The following CELSR1 variants were observed in gnomAD, a reference collection of about 807,000 sequenced individuals.
CELSR1 encodes the protein adhesion G protein-coupled receptor C1.
Under a neutral mutation model 249.1 loss-of-function variants are expected in CELSR1, and 110 were observed. That is an observed-to-expected ratio of 0.44 (90% CI 0.38 to 0.52). The LOEUF is 0.52. CELSR1 is among the 20% of genes least tolerant of loss of function. The pLI, the probability that CELSR1 is intolerant of heterozygous loss-of-function variation, is 0.00. For synonymous variants in CELSR1, 2,113 were observed against 1,900.0 expected (o/e 1.11, Z -2.92); for missense variants, 4,109 against 4,296.4 (o/e 0.96, Z 1.22).
chr22:46,473,129 C>T lies in CELSR1; in HGVS notation c.3545-8784G>A, dbSNP rs2080172923. Among the ~76,000 whole-genome samples, 2 of 151,938 alleles carry T rather than the reference C, an allele frequency of 1.3e-5. No individual in the cohort carries two copies. The highest frequency in any genetic ancestry group is 4.2e-4 in the South Asian group (2 of 4,808). On this transcript the variant is annotated intron_variant, in intron 1 of 34. Coordinates refer to ENST00000674500, the MANE Select transcript of CELSR1 (RefSeq NM_001378328.1). This position sits in a 1 kb window ranked among gnomAD's most constrained non-coding sequence, Gnocchi z 6.6. ...CTCGTGGGCTCTCGGTGCAGGACGG[C>T]GGGGGTGGCTGAAGGAGAAATGTCC...
chr22:46,363,491 T>C lies in CELSR1; in HGVS notation c.9036-244A>G, dbSNP rs2078728931. The C allele has an allele frequency of 1.3e-5, 6 of 458,880 alleles. No homozygotes were observed. In the South Asian group the frequency reaches 1.6e-4, roughly 12 times the overall value. 28.4% of individuals were successfully genotyped at this position (458,880 alleles called of 1,614,324 possible). On this transcript the variant is annotated intron_variant, in intron 34 of 34. Coordinates refer to ENST00000674500, the MANE Select transcript of CELSR1 (RefSeq NM_001378328.1). The surrounding 1 kb of genome is among the most constrained non-coding windows in gnomAD (Gnocchi z 4.3). ...TCAGAAGAGCGCAAGGAATCCACGT[T>C]AGAAACCGGCCATCTCTACAGTGAC...
chr22:46,427,809 A>G lies in CELSR1; in HGVS notation c.4611+5584T>C, dbSNP rs2079552593. Among the ~76,000 whole-genome samples the G allele has an allele frequency of 6.6e-6, 1 of 152,194 alleles. No individual in the cohort carries two copies. Among genetic ancestry groups the G allele is most frequent in the African/African-American group, 2.4e-5 (1 of 41,442 alleles). On this transcript the variant is annotated intron_variant, in intron 5 of 34. Coordinates refer to ENST00000674500, the MANE Select transcript of CELSR1 (RefSeq NM_001378328.1). This position sits in a 1 kb window ranked among gnomAD's most constrained non-coding sequence, Gnocchi z 4.2. Reference sequence around the variant, plus strand: ...GCTACGTGGCCTCACCCAGGGGACCACACAACTGTCTAACCACGGCAGATC... The same window carrying G: ...GCTACGTGGCCTCACCCAGGGGACCGCACAACTGTCTAACCACGGCAGATC...
chr22:46,441,772 AGGGCACC>A lies in CELSR1; in HGVS notation c.4184-2368_4184-2362del, dbSNP rs2079752801. ...TAGGGCTTCAATGTAGAAATTTATG[AGGGCACC>A]ATTCTGTCCAGAGCAGATATGTATG... On this transcript the variant is annotated intron_variant, in intron 2 of 34. Transcript: ENST00000674500. This position sits in a 1 kb window ranked among gnomAD's most constrained non-coding sequence, Gnocchi z 6.1. Among the ~76,000 whole-genome samples, 1 of 152,224 alleles carries A rather than the reference AGGGCACC, an allele frequency of 6.6e-6. No individual in the cohort carries two copies.
chr22:46,386,481 G>A lies in CELSR1; in HGVS notation c.6660C>T (p.Leu2220=), dbSNP rs767059693. The A allele has an allele frequency of 2.9e-5, 46 of 1,600,692 alleles. No individual in the cohort carries two copies. Among genetic ancestry groups the A allele is most frequent in the Middle Eastern group, 3.6e-4 (2 of 5,486 alleles). Residue 2220 remains leucine, a synonymous_variant, in exon 19 of 35, where the codon CTC becomes CTT. Coordinates refer to ENST00000674500, the MANE Select transcript of CELSR1 (RefSeq NM_001378328.1). ...GTGCCACGTTGCTGAAGTAGCCCTC[G>A]AGGCGCCGGAGCAGCTGTGCCGTGC... ...EGGTAQLLRR[L]EGYFSNVARN...
chr22:46,509,226 C>A (rs1393652603), intron 1 of CELSR1, among the ~76,000 whole-genome samples: 1 of 152,170 alleles, frequency 6.6e-6, no homozygotes, highest in African/African-American at 2.4e-5. Context: ...AGGGTCTGGA[C>A]AAGGGGGTGC....
At chr22:46,496,688 A>G (rs754359416) in intron 1 of CELSR1, among the ~76,000 whole-genome samples, 3 of 151,858 alleles carry the variant, frequency 2.0e-5, no homozygotes, top group Non-Finnish European at 4.4e-5. Context: ...GCCTAGGCCT[A>G]TGCAGGGTTA....
chr22:46,364,227 T>C lies in CELSR1; in HGVS notation c.8804A>G (p.Tyr2935Cys). The C allele has an allele frequency of 2.5e-6, 4 of 1,608,876 alleles. No individual in the cohort carries two copies. The highest frequency in any genetic ancestry group is 3.4e-6 in the Non-Finnish European group (4 of 1,179,506). ...CTCCGTCAGCGTCAGCGGCGGCGGG[T>C]AGGTGACTTTATTTTTCAAGATGCC... ...RKGILKNKVT[Y>C]PPPLTLTEQT... The change falls in exon 34 of 35, where the codon TAC becomes TGC. Residue 2935 changes from tyrosine to cysteine, a missense_variant. This residue lies in a region of CELSR1 where 1,805 missense variants were observed against 1,831.6 expected (regional missense o/e 0.99). Transcript: ENST00000674500.
Position 46,441,799 on chromosome 22 carries a change from T to C in CELSR1, c.4184-2388A>G, listed in dbSNP as rs2079753188. 6.6e-6 allele frequency among the ~76,000 whole-genome samples: 1 copy of C among 152,200 alleles called. No individual in the cohort carries two copies. Among genetic ancestry groups the C allele is most frequent in the Non-Finnish European group, 1.5e-5 (1 of 68,040 alleles). Reference sequence around the variant, plus strand: ...GGCACCATTCTGTCCAGAGCAGATATGTATGAGACAACTGGCAATTTTAAA... The same window carrying C: ...GGCACCATTCTGTCCAGAGCAGATACGTATGAGACAACTGGCAATTTTAAA... On this transcript the variant is annotated intron_variant, in intron 2 of 34. Transcript: ENST00000674500. The surrounding 1 kb of genome is among the most constrained non-coding windows in gnomAD (Gnocchi z 6.1).
intron 1 of CELSR1, among the ~76,000 whole-genome samples, chr22:46,469,917 G>T (rs2080136520): frequency 1.7e-5 from 1 of 58,932 alleles, no homozygotes; most frequent in Non-Finnish European, 3.3e-5. Context: ...GTCACATCTA[G>T]AACAGCTCCT....
In CELSR1 at chr22:46,534,655, G is replaced by A; in HGVS notation, c.2516C>T (p.Pro839Leu). 6.2e-7 allele frequency: 1 copy of A among 1,613,852 alleles called. No homozygotes were observed. The highest frequency in any genetic ancestry group is 8.5e-7 in the Non-Finnish European group (1 of 1,180,034). ...QDPVPQFRID[P>L]DSGTMYTMME... ...CATGGTGTACATGGTGCCACTGTCG[G>A]GGTCAATGCGGAACTGCGGCACGGG... The change falls in exon 1 of 35, where the codon CCC becomes CTC. Residue 839 changes from proline to leucine, a missense_variant. By Grantham distance (98) the Pro-to-Leu change is moderately conservative. This residue lies in a region of CELSR1 where 886 missense variants were observed against 896.5 expected (regional missense o/e 0.99). Coordinates refer to ENST00000674500, the MANE Select transcript of CELSR1 (RefSeq NM_001378328.1). This position sits in a 1 kb window ranked among gnomAD's most constrained non-coding sequence, Gnocchi z 9.7.
Position 46,535,824 on chromosome 22 carries a change from C to T in CELSR1, c.1347G>A (p.Val449=). Residue 449 remains valine, a synonymous_variant, in exon 1 of 35, where the codon GTG becomes GTA. Coordinates refer to ENST00000674500, the MANE Select transcript of CELSR1 (RefSeq NM_001378328.1). ...LSATATVYIE[V]EDENDNYPQF... is the part of the protein sequence containing the mutation. ...GGGGGTAGTTGTCGTTCTCGTCCTC[C>T]ACCTCGATGTACACGGTGGCCGTGG... is the stretch of plus-strand genomic sequence containing the variant. 1 of 1,612,160 alleles carries T rather than the reference C, an allele frequency of 6.2e-7. No individual in the cohort carries two copies. The highest frequency in any genetic ancestry group is 8.5e-7 in the Non-Finnish European group (1 of 1,179,990).
intron 1 of CELSR1, among the ~76,000 whole-genome samples, chr22:46,530,962 A>T (rs1244179641): frequency 2.0e-5 from 3 of 152,188 alleles, no homozygotes; most frequent in Non-Finnish European, 4.4e-5. Flanking sequence ...AATCCTGGGG[A>T]AGCAACAACA....
intron 20 of CELSR1, 135 bp downstream of exon 20, chr22:46,384,408 C>A (rs2079010248): frequency 1.9e-6 from 2 of 1,031,736 alleles, no homozygotes; most frequent in South Asian, 4.1e-5. Flanking sequence ...CCAACAGGAC[C>A]TGGCACCAGA....
intron 19 of CELSR1, among the ~76,000 whole-genome samples, chr22:46,385,870 G>A (rs1241812829): frequency 2.0e-5 from 3 of 151,732 alleles, no homozygotes; most frequent in East Asian, 3.9e-4. Context: ...GTAGAGACGG[G>A]GTTTCACCAT....
intron 1 of CELSR1, among the ~76,000 whole-genome samples, chr22:46,483,079 G>A (rs1311336238): frequency 6.6e-6 from 1 of 152,114 alleles, no homozygotes; most frequent in Non-Finnish European, 1.5e-5. Flanking sequence ...ATCAATTCCA[G>A]GTGAACTAAG....
chr22:46,411,725 G>A lies in CELSR1; in HGVS notation c.4646C>T (p.Pro1549Leu), dbSNP rs2079338395. Residue 1549 changes from proline to leucine, a missense_variant, in exon 6 of 35, where the codon CCG (proline) becomes CTG (leucine). By Grantham distance (98) the Pro-to-Leu change is moderately conservative (BLOSUM62 -3). This residue lies in a region of CELSR1 where 453 missense variants were observed against 492.0 expected (regional missense o/e 0.92). Coordinates refer to ENST00000674500, the MANE Select transcript of CELSR1 (RefSeq NM_001378328.1). This position sits in a 1 kb window ranked among gnomAD's most constrained non-coding sequence, Gnocchi z 4.2. ...NIGHLGLPHG[P>L]SGEKMAVVTV... ...CACCACGGCCATCTTTTCCCCGGAC[G>A]GCCCATGGGGCAGGCCCAGGTGGCC... is the stretch of plus-strand genomic sequence containing the variant. 1 of 1,614,072 alleles carries A rather than the reference G, an allele frequency of 6.2e-7. No individual in the cohort carries two copies. Among genetic ancestry groups the A allele is most frequent in the Admixed American group, 1.7e-5 (1 of 60,014 alleles).
chr22:46,397,110 T>G (rs2079156100), intron 12 of CELSR1, among the ~76,000 whole-genome samples: 2 of 151,954 alleles, frequency 1.3e-5, no homozygotes, highest in Admixed American at 1.3e-4. Flanking sequence ...ATTCTTTTAT[T>G]TATTTATTTA....
chr22:46,521,422 A>G (rs1007781906), intron 1 of CELSR1, among the ~76,000 whole-genome samples: 10 of 150,876 alleles, frequency 6.6e-5, no homozygotes, highest in South Asian at 4.2e-4. Context: ...GGAGAATGGC[A>G]TGAACCCGGG....
rs933948397 is a variant in CELSR1, at chr22:46,468,165, A to T, written c.3545-3820T>A. 6.6e-6 allele frequency among the ~76,000 whole-genome samples: 1 copy of T among 151,930 alleles called. No individual in the cohort carries two copies. The highest frequency in any genetic ancestry group is 2.4e-5 in the African/African-American group (1 of 41,352). On this transcript the variant is annotated intron_variant, in intron 1 of 34. Coordinates refer to ENST00000674500, the MANE Select transcript of CELSR1 (RefSeq NM_001378328.1). This position sits in a 1 kb window ranked among gnomAD's most constrained non-coding sequence, Gnocchi z 4.5. ...CACTTTGGGAGGCCGAGGTGGGTGG[A>T]TCACGACGTCAGGAGTTCAAGACCA...
Sources: allele counts gnomAD v4.1 joint callset (sites outside exome capture counted in the v4.1 genomes callset), GRCh38; gene constraint gnomAD v4.1.1; regional missense constraint gnomAD v4.1.1; non-coding constraint Gnocchi (gnomAD v3.1); transcripts MANE v1.5; gene names NCBI Gene and HGNC (gene_info 2026-07-23, HGNC 2026-07-21).